Variants in COL22A1 observed in about 807,000 individuals in gnomAD.
COL22A1 encodes the protein collagen alpha-1(XXII) chain.
COL22A1 carries 221 observed loss-of-function variants against 248.9 expected under a neutral mutation model. That is an observed-to-expected ratio of 0.89 (90% CI 0.80 to 0.99). The LOEUF (loss-of-function observed/expected upper bound fraction) is 0.99, where lower values mean the gene tolerates loss of function less well. Among genes scored for constraint, COL22A1 ranks in the 50% least tolerant of loss-of-function variants. The probability of loss-of-function intolerance (pLI) is 0.00; values close to 1 mark genes in which losing one functional copy is unlikely to be tolerated. For synonymous variants in COL22A1, 891 were observed against 793.4 expected (o/e 1.12, Z -2.07); for missense variants, 2,240 against 2,179.0 (o/e 1.03, Z -0.56).
At position 138,607,974 on chromosome 8, in the gene COL22A1, G is replaced by A. The variant is rs1219491141; in HGVS notation, c.3994C>T (p.Pro1332Ser). The change falls in exon 57 of 65, where the codon CCG (proline) becomes TCG (serine). Residue 1332 changes from proline (P) to serine (S), a missense_variant. Transcript: ENST00000303045. ...PRGPPGKNGS[P>S]GSPGEPGPSG... ...GGGCCAGGCTCTCCTGGAGATCCCG[G>A]TGATCCATTCTTGCCCTGGTGGAAG... The A allele has an allele frequency of 1.9e-6, 3 of 1,614,018 alleles. No individual in the cohort carries two copies. The highest frequency in any genetic ancestry group is 2.5e-6 in the Non-Finnish European group (3 of 1,180,010).
intron 41 of COL22A1, among the ~76,000 whole-genome samples, chr8:138,675,716 A>G (rs2130797744): frequency 2.0e-5 from 3 of 152,274 alleles, no homozygotes; most frequent in Middle Eastern, 6.8e-3. Context: ...AAGGTTGTAA[A>G]CTGGTCTTAT....
chr8:138,894,335 A>C (rs1274500944), intron 1 of COL22A1, among the ~76,000 whole-genome samples: 1 of 152,204 alleles, frequency 6.6e-6, no homozygotes, highest in Non-Finnish European at 1.5e-5. Context: ...GCAACAATTC[A>C]AACAGAAATC....
At position 138,685,282 on chromosome 8, in the gene COL22A1, G is replaced by A. The variant is rs1254889198; in HGVS notation, c.2893C>T (p.Pro965Ser). The A allele has an allele frequency of 6.2e-7, 1 of 1,613,804 alleles. No homozygotes were observed. The highest frequency in any genetic ancestry group is 8.5e-7 in the Non-Finnish European group (1 of 1,179,890). Residue 965 changes from proline (P) to serine (S), a missense_variant, in exon 38 of 65, where the codon CCA becomes TCA. Pro to Ser is a moderately conservative substitution (Grantham distance 74). Coordinates refer to ENST00000303045, the MANE Select transcript of COL22A1 (RefSeq NM_152888.3). The part of the protein sequence containing the change: ...GAAGEEGSPG[P>S]VGPRGDPGAP... ...CCAGGATCTCCCCTGGGACCAACTG[G>A]CCCTGGGCTGCCTTCTTCCCCCGCT...
chr8:138,683,203 G>A (rs1339363891), intron 39 of COL22A1, among the ~76,000 whole-genome samples: 2 of 152,192 alleles, frequency 1.3e-5, no homozygotes, highest in East Asian at 3.8e-4. Context: ...CACATGATAT[G>A]CACTGTTGTC....
At chr8:138,714,284 T>C (rs1377504396) in intron 30 of COL22A1, among the ~76,000 whole-genome samples, 8 of 152,186 alleles carry the variant, frequency 5.3e-5, no homozygotes, top group Non-Finnish European at 2.9e-5. Context: ...AACACGCTTA[T>C]GGATACCAGT....
intron 48 of COL22A1, 104 bp downstream of exon 48, chr8:138,636,637 AC>A (rs1468965743): frequency 7.1e-6 from 6 of 841,350 alleles, no homozygotes; most frequent in Non-Finnish European, 9.8e-6. Flanking sequence ...AAATCCTGCT[AC>A]AGGCAAAGAA....
In COL22A1 at chr8:138,626,664, A is replaced by T. The variant is rs545331881; in HGVS notation, c.3664-421T>A. ...CAGGACCTTGAGGTGTTGTGCATAC[A>T]GGACTGTACACAAGTGGGGAGCTGA... On this transcript the variant is annotated intron_variant, in intron 50 of 64. Transcript: ENST00000303045. 1.8e-4 allele frequency among the ~76,000 whole-genome samples: 27 copies of T among 152,302 alleles called. No individual in the cohort carries two copies. The South Asian group carries it at 5.6e-3, about 32-fold the overall frequency.
rs1165567823 is a variant in COL22A1 at position 138,613,752 on chromosome 8, A to G, written c.3978+115T>C. ...GCAGCTATTTACCAACTGCTAAAACATATTACAATTTTTTAACAATATATA... is the reference window on the plus strand; with the variant it reads ...GCAGCTATTTACCAACTGCTAAAACGTATTACAATTTTTTAACAATATATA... On this transcript the variant is annotated intron_variant, in intron 56 of 64. Transcript: ENST00000303045. 5.0e-6 allele frequency: 5 copies of G among 1,008,040 alleles called. No homozygotes were observed. The East Asian group carries it at 7.1e-5, about 14-fold the overall frequency. The allele number at this position is 1,008,040 out of a possible 1,614,324, so 62.4% of individuals were successfully genotyped here.
chr8:138,806,920 A>C (rs1305998601), intron 10 of COL22A1, among the ~76,000 whole-genome samples: 1 of 152,202 alleles, frequency 6.6e-6, no homozygotes, highest in East Asian at 1.9e-4. Context: ...AGACTCAGGC[A>C]TGTGACGGTC....
At chr8:138,913,023 G>C (rs1815563698) in intron 1 of COL22A1, among the ~76,000 whole-genome samples, 1 of 152,090 alleles carries the variant, frequency 6.6e-6, no homozygotes, top group Admixed American at 6.5e-5. Flanking sequence ...TGATACGCAG[G>C]GATTGGGGGA....
chr8:138,668,671 C>T (rs958995364), intron 41 of COL22A1, among the ~76,000 whole-genome samples: 9 of 152,162 alleles, frequency 5.9e-5, no homozygotes, highest in African/African-American at 1.9e-4. Flanking sequence ...TTTTATTCTC[C>T]GTAATCTTTG....
chr8:138,656,343 C>A (rs1445139122), intron 44 of COL22A1, among the ~76,000 whole-genome samples: 2 of 152,200 alleles, frequency 1.3e-5, no homozygotes, highest in African/African-American at 4.8e-5. Context: ...AGAGCAACAG[C>A]TGTTACTATC....
At chr8:138,816,913 C>T (rs1285912592) in intron 7 of COL22A1, among the ~76,000 whole-genome samples, 1 of 152,180 alleles carries the variant, frequency 6.6e-6, no homozygotes, top group Non-Finnish European at 1.5e-5. Context: ...GTAATACCCC[C>T]ATGGACACTC....
chr8:138,763,716 C>A (rs2131406393), intron 16 of COL22A1, among the ~76,000 whole-genome samples: 2 of 152,330 alleles, frequency 1.3e-5, no homozygotes, highest in Middle Eastern at 3.4e-3. Context: ...TTTGTTCCGG[C>A]TTCTGCCTTC....
chr8:138,780,824 C>T, intron 13 of COL22A1, 103 bp downstream of exon 13: 1 of 931,854 alleles, frequency 1.1e-6, no homozygotes, highest in Non-Finnish European at 1.8e-6. Context: ...CCACTCAAGT[C>T]TGGCCCTGGC....
intron 6 of COL22A1, among the ~76,000 whole-genome samples, chr8:138,822,762 C>T (rs775818379): frequency 6.6e-6 from 1 of 152,056 alleles, no homozygotes; most frequent in African/African-American, 2.4e-5. Flanking sequence ...GTATTTATTC[C>T]TCCCACCCCT....
At chr8:138,683,820 C>A (rs1826135398) in intron 39 of COL22A1, among the ~76,000 whole-genome samples, 1 of 152,172 alleles carries the variant, frequency 6.6e-6, no homozygotes, top group African/African-American at 2.4e-5. Flanking sequence ...TCTGGTACCA[C>A]AATGAGACTC....
At chr8:138,837,570 C>A (rs140208877) in intron 4 of COL22A1, among the ~76,000 whole-genome samples, 231 of 152,318 alleles carry the variant, frequency 1.5e-3, no homozygotes, top group Non-Finnish European at 2.3e-3. Flanking sequence ...CAGTGAGGAG[C>A]AGCTGTTGGA....
At chr8:138,878,956 C>T (rs913618257) in intron 2 of COL22A1, among the ~76,000 whole-genome samples, 30 of 151,998 alleles carry the variant, frequency 2.0e-4, no homozygotes, top group Admixed American at 4.6e-4. Flanking sequence ...TGTGGTGAGC[C>T]GAGATTGCAC....
Sources: allele counts gnomAD v4.1 joint callset (sites outside exome capture counted in the v4.1 genomes callset), GRCh38; gene constraint gnomAD v4.1.1; transcripts MANE v1.5; gene names NCBI Gene and HGNC (gene_info 2026-07-23, HGNC 2026-07-21).